MYLK4: variants seen among roughly 807,000 people sequenced by gnomAD.
MYLK4 encodes the protein caMLCK like.
A neutral mutation model predicts 48.1 loss-of-function variants in MYLK4; 46 were observed. That is an observed-to-expected ratio of 0.96 (90% CI 0.75 to 1.22). The LOEUF (loss-of-function observed/expected upper bound fraction) is 1.22. MYLK4 is among the 50% of genes most tolerant of loss of function. The probability of loss-of-function intolerance (pLI) is 0.00; values close to 1 mark genes in which losing one functional copy is unlikely to be tolerated. For missense variants in MYLK4, 451 were observed against 486.1 expected (o/e 0.93, Z 0.68); for synonymous variants, 170 against 180.8 (o/e 0.94, Z 0.48).
At chr6:2,763,848 G>GAA in the MYLK4 span, among the ~76,000 whole-genome samples, 62 of 150,038 alleles carry the variant, frequency 4.1e-4, no homozygotes, top group Non-Finnish European at 5.9e-4. Flanking sequence ...AGGGACAAAT[G>GAA]AAAAAAAAAA....
rs1349358003 is a variant in MYLK4 at position 2,680,660 on chromosome 6, C to T, written c.688-369G>A. 9.0e-6 allele frequency: 7 copies of T among 781,918 alleles called. No homozygotes were observed. The East Asian group carries it at 7.6e-4, about 85-fold the overall frequency. 48.4% of individuals were successfully genotyped at this position (781,918 alleles called of 1,614,324 possible). ...CTAAATTATTCAGTATGAATTTCCC[C>T]TTCTTGGAGAAATATTTTTCCCAAG... On this transcript the variant is annotated intron_variant, in intron 7 of 12. Coordinates refer to ENST00000274643, the MANE Select transcript of MYLK4 (RefSeq NM_001012418.5).
chr6:2,713,312 G>A (rs552260980), intron 2 of MYLK4, among the ~76,000 whole-genome samples: 2 of 151,762 alleles, frequency 1.3e-5, no homozygotes, highest in East Asian at 3.9e-4. Context: ...AGAGATTGCC[G>A]TGAGCCAAGA....
chr6:2,764,034 A>G, the MYLK4 span, among the ~76,000 whole-genome samples: 2 of 152,212 alleles, frequency 1.3e-5, no homozygotes, highest in South Asian at 2.1e-4. Flanking sequence ...CGAGAGGCTG[A>G]GACAGCAGAA....
At position 2,673,636 on chromosome 6, in the gene MYLK4, G is replaced by A. The variant is rs940212586; in HGVS notation, c.1119+1411C>T. ...TGGTGGGCCCAAAGGTTGGCATGGC[G>A]TCTTGCCTGTATATGCATCTTGCCA... On this transcript the variant is annotated intron_variant, in intron 11 of 12. Transcript: ENST00000274643. The surrounding 1 kb of genome is among the most constrained non-coding windows in gnomAD (Gnocchi z 4.2). Among the ~76,000 whole-genome samples, 23 of 152,240 alleles carry A rather than the reference G, an allele frequency of 1.5e-4. No individual in the cohort carries two copies. The highest frequency in any genetic ancestry group is 4.3e-4 in the African/African-American group (18 of 41,462).
rs1049777329 is a variant in MYLK4 at position 2,680,264 on chromosome 6, C to T, written c.715G>A (p.Asp239Asn). ...KPENILCVNR[D>N]AKQIKIIDFG... is the part of the protein sequence containing the mutation. ...TCAATAATTTTTATTTGCTTAGCAT[C>T]CCGATTCACACACAGGATATTCTCA... Residue 239 changes from aspartate to asparagine, a missense_variant, in exon 8 of 13, where the codon GAT (aspartate) becomes AAT (asparagine). Coordinates refer to ENST00000274643, the MANE Select transcript of MYLK4 (RefSeq NM_001012418.5). The T allele has an allele frequency of 4.3e-6, 7 of 1,614,114 alleles. No homozygotes were observed. Among genetic ancestry groups the T allele is most frequent in the Non-Finnish European group, 5.9e-6 (7 of 1,180,020 alleles).
At chr6:2,726,138 C>A (rs1763265043) in intron 2 of MYLK4, among the ~76,000 whole-genome samples, 1 of 152,120 alleles carries the variant, frequency 6.6e-6, no homozygotes, top group African/African-American at 2.4e-5. Context: ...GGAGTTAAGG[C>A]ATTAAAAAGA....
the MYLK4 span, among the ~76,000 whole-genome samples, chr6:2,764,301 C>T: frequency 6.6e-6 from 1 of 152,126 alleles, no homozygotes; most frequent in South Asian, 2.1e-4. Flanking sequence ...CCTGTAACCC[C>T]AGGACGACTC....
At chr6:2,763,021 A>G in the MYLK4 span, among the ~76,000 whole-genome samples, 1 of 152,354 alleles carries the variant, frequency 6.6e-6, no homozygotes, top group East Asian at 1.9e-4. Context: ...GCGGGTCTCC[A>G]TCGCCAGCTC....
intron 2 of MYLK4, among the ~76,000 whole-genome samples, chr6:2,713,095 G>T (rs764214992): frequency 6.6e-6 from 1 of 152,180 alleles, no homozygotes; most frequent in Non-Finnish European, 1.5e-5. Flanking sequence ...CATAGTCCCG[G>T]CATGGTGGCT....
At chr6:2,710,245 A>G (rs1433534547) in intron 2 of MYLK4, among the ~76,000 whole-genome samples, 2 of 152,140 alleles carry the variant, frequency 1.3e-5, no homozygotes, top group African/African-American at 2.4e-5. Flanking sequence ...ATCCCCCAAC[A>G]TTGGTATTAA....
the MYLK4 span, chr6:2,765,913 G>T: frequency 2.7e-6 from 4 of 1,455,644 alleles, no homozygotes; most frequent in Non-Finnish European, 3.6e-6. Context: ...GCGAGGGTGA[G>T]GAGGGCGACG....
intron 2 of MYLK4, among the ~76,000 whole-genome samples, chr6:2,694,488 GTCA>G (rs1561845735): frequency 2.9e-5 from 3 of 103,296 alleles, no homozygotes; most frequent in East Asian, 2.2e-4. Context: ...GATGGTAGTG[GTCA>G]TGGTGGTGGT....
At chr6:2,742,333 A>G (rs6931608) in intron 2 of MYLK4, among the ~76,000 whole-genome samples, 65,323 of 152,044 alleles carry the variant, frequency 0.43, 14,803 homozygotes, top group East Asian at 0.56. Context: ...GAATAAGAAT[A>G]AATAAGGCAT....
intron 2 of MYLK4, chr6:2,744,227 T>C (rs1763994685): frequency 5.2e-6 from 2 of 388,072 alleles, no homozygotes; most frequent in Non-Finnish European, 9.1e-6. Context: ...AATCTGCCTC[T>C]TTAAAAGGAA....
chr6:2,690,166 C>T (rs565981618), intron 3 of MYLK4, among the ~76,000 whole-genome samples: 1 of 152,318 alleles, frequency 6.6e-6, no homozygotes, highest in Non-Finnish European at 1.5e-5. Context: ...GGCCGTCTTG[C>T]CCTCGGGAGG....
chr6:2,724,466 C>G (rs1381456953), intron 2 of MYLK4, among the ~76,000 whole-genome samples: 1 of 152,162 alleles, frequency 6.6e-6, no homozygotes, highest in Non-Finnish European at 1.5e-5. Context: ...ATGCAGGGAC[C>G]TTTCGTCACT....
At chr6:2,694,556 CGTGGTGGTAGTGGTAGTGCTGCT>C in intron 2 of MYLK4, among the ~76,000 whole-genome samples, 1 of 3,078 alleles carries the variant, frequency 3.2e-4, no homozygotes, top group Admixed American at 4.7e-3. Flanking sequence ...TGGTGGTAGT[CGTGGTGGTAGTGGTAGTGCTGCT>C]GGTGGTGGTG....
intron 9 of MYLK4, 142 bp downstream of exon 9, chr6:2,679,138 C>T (rs908775746): frequency 2.4e-5 from 24 of 1,003,404 alleles, no homozygotes; most frequent in Non-Finnish European, 3.2e-5. Flanking sequence ...CAGGAGTCAA[C>T]AAAACCTAGA....
intron 11 of MYLK4, among the ~76,000 whole-genome samples, chr6:2,674,812 A>C (rs1051716632): frequency 3.3e-5 from 5 of 152,240 alleles, no homozygotes; most frequent in African/African-American, 1.2e-4. Flanking sequence ...TGGACGTTGC[A>C]GTGAGCTGAG....
Sources: allele counts gnomAD v4.1 joint callset (sites outside exome capture counted in the v4.1 genomes callset), GRCh38; gene constraint gnomAD v4.1.1; non-coding constraint Gnocchi (gnomAD v3.1); transcripts MANE v1.5; gene names NCBI Gene and HGNC (gene_info 2026-07-23, HGNC 2026-07-21).